CHD9: variants seen among roughly 807,000 people sequenced by gnomAD.
The protein encoded by CHD9 is ATP-dependent chromatin remodeler CHD9.
In CHD9, 77 loss-of-function variants were observed where a neutral mutation model predicts 316.1. That is an observed-to-expected ratio of 0.24 (90% confidence interval 0.20 to 0.29). The LOEUF is 0.29. Among genes scored for constraint, CHD9 ranks in the 10% least tolerant of loss-of-function variants. CHD9 has a pLI of 1.00. For synonymous variants in CHD9, 1,129 were observed against 1,158.3 expected, an observed-to-expected ratio of 0.97 and a Z score of 0.51; for missense variants, 2,763 against 3,438.1, an observed-to-expected ratio of 0.80 and a Z score of 4.91.
At chr16:53,244,192 C>CTTTTT (rs529369708) in intron 13 of CHD9, among the ~76,000 whole-genome samples, 1 of 135,500 alleles carries the variant, frequency 7.4e-6, no homozygotes, top group Non-Finnish European at 1.6e-5. Flanking sequence ...AAGCATATTT[C>CTTTTT]TTTTTTTTTT....
chr16:53,076,375 GAC>G (rs552109957), intron 1 of CHD9, among the ~76,000 whole-genome samples: 95 of 152,242 alleles, frequency 6.2e-4, no homozygotes, highest in Middle Eastern at 3.4e-3. Context: ...AGGAGTTCGA[GAC>G]CAGCCTGGCC....
intron 2 of CHD9, among the ~76,000 whole-genome samples, chr16:53,163,548 A>G (rs1347290784): frequency 1.3e-5 from 2 of 152,204 alleles, no homozygotes; most frequent in African/African-American, 4.8e-5. Flanking sequence ...TTGAGATCAT[A>G]TAGTTCACAC....
rs1196701222 is a variant in CHD9, at chr16:53,324,847, T to C, written c.8646T>C (p.Asp2882=). The stretch of plus-strand genomic sequence containing the variant: ...AAGCTGATGCTTCATCTGGATCTGA[T>C]AGTACATCGTCGTCATCTGAGGATT... ...SEKADASSGS[D]STSSSSEDSD... The change falls in exon 39 of 39, where the codon GAT becomes GAC. Residue 2882 remains aspartate (D), a synonymous_variant. Coordinates refer to ENST00000447540, the MANE Select transcript of CHD9 (RefSeq NM_001308319.2). The C allele has an allele frequency of 6.2e-7, 1 of 1,610,584 alleles. No homozygotes were observed. Among genetic ancestry groups the C allele is most frequent in the Non-Finnish European group, 8.5e-7 (1 of 1,178,662 alleles).
chr16:53,217,963 T>C (rs1181963781), intron 3 of CHD9, among the ~76,000 whole-genome samples: 2 of 149,710 alleles, frequency 1.3e-5, no homozygotes, highest in East Asian at 3.9e-4. Context: ...TTTCTTTTTT[T>C]TTTTAATTCA....
intron 1 of CHD9, among the ~76,000 whole-genome samples, chr16:53,095,308 G>C (rs1054331728): frequency 1.3e-5 from 2 of 152,208 alleles, no homozygotes; most frequent in Non-Finnish European, 2.9e-5. Flanking sequence ...CACTTTGGGA[G>C]GGGGAGGCAG....
intron 1 of CHD9, among the ~76,000 whole-genome samples, chr16:53,077,256 G>A (rs2034613221): frequency 6.6e-6 from 1 of 151,378 alleles, no homozygotes. Context: ...CCAAAGTGTT[G>A]GGATCACAGG....
rs905685961 is a variant in CHD9 at position 53,091,008 on chromosome 16, C to CG, written c.-165+35931_-165+35932insG. Among the ~76,000 whole-genome samples the CG allele has an allele frequency of 7.9e-5, 12 of 151,456 alleles. No individual in the cohort carries two copies. In the East Asian group the frequency reaches 9.8e-4, roughly 12 times the overall value. Reference sequence around the variant, plus strand: ...GGAGGATGGGAACAGCTCACCCCCCCCCGACTGACCGCGGTGAGGCTCAGC... The same window carrying CG: ...GGAGGATGGGAACAGCTCACCCCCCCGCCGACTGACCGCGGTGAGGCTCAGC... On this transcript the variant is annotated intron_variant, in intron 1 of 38. Transcript: ENST00000447540.
chr16:53,261,737 T>C (rs576152506), intron 19 of CHD9, among the ~76,000 whole-genome samples: 1 of 152,308 alleles, frequency 6.6e-6, no homozygotes, highest in South Asian at 2.1e-4. Flanking sequence ...TATCAACTCA[T>C]GCTAAACTTG....
At chr16:53,235,336 T>G in intron 11 of CHD9, 30 bp downstream of exon 11, 1 of 1,463,034 alleles carries the variant, frequency 6.8e-7, no homozygotes, top group Non-Finnish European at 9.2e-7. Context: ...AAAAAAAATT[T>G]ATTTTTTTAA....
intron 29 of CHD9, among the ~76,000 whole-genome samples, chr16:53,296,434 A>ATTTTTTTTTTTTTTTTTTT (rs35618799): frequency 2.0e-5 from 2 of 101,764 alleles, no homozygotes; most frequent in Non-Finnish European, 3.7e-5. Flanking sequence ...TTAAAAGTAA[A>ATTTTTTTTTTTTTTTTTTT]TTTTTTTTTT....
chr16:53,092,759 C>T (rs1293868128), intron 1 of CHD9, among the ~76,000 whole-genome samples: 1 of 151,972 alleles, frequency 6.6e-6, no homozygotes, highest in Non-Finnish European at 1.5e-5. Flanking sequence ...GAGGCACCTG[C>T]ACCTTTATTA....
At chr16:53,154,298 A>G (rs1406456705) in intron 1 of CHD9, among the ~76,000 whole-genome samples, 1 of 152,244 alleles carries the variant, frequency 6.6e-6, no homozygotes, top group Admixed American at 6.5e-5. Context: ...CCTCAAACCA[A>G]ACATCACTTA....
At chr16:53,215,841 A>T (rs913017827) in intron 3 of CHD9, among the ~76,000 whole-genome samples, 2 of 152,218 alleles carry the variant, frequency 1.3e-5, no homozygotes, top group Non-Finnish European at 2.9e-5. Flanking sequence ...ACATCTGAAA[A>T]TCAAATATAG....
At chr16:53,218,502 T>G (rs1053543465) in intron 3 of CHD9, among the ~76,000 whole-genome samples, 5 of 152,174 alleles carry the variant, frequency 3.3e-5, no homozygotes, top group Non-Finnish European at 7.4e-5. Flanking sequence ...TAAAAATGTT[T>G]AAGCAGCTTA....
At chr16:53,083,751 T>C (rs2035228102) in intron 1 of CHD9, among the ~76,000 whole-genome samples, 2 of 151,792 alleles carry the variant, frequency 1.3e-5, no homozygotes, top group Non-Finnish European at 2.9e-5. Context: ...ACTTCTTTGT[T>C]TTATTTTTAA....
intron 1 of CHD9, among the ~76,000 whole-genome samples, chr16:53,137,776 C>A (rs2039829873): frequency 6.6e-6 from 1 of 152,176 alleles, no homozygotes; most frequent in Non-Finnish European, 1.5e-5. Flanking sequence ...TAGATTCTAA[C>A]AGAACCCAGT....
intron 1 of CHD9, chr16:53,131,167 G>C (rs2039262973): frequency 6.6e-6 from 1 of 150,698 alleles, no homozygotes; most frequent in Non-Finnish European, 1.5e-5. Context: ...GAGATGCGGG[G>C]GCGGGTCGTG....
At chr16:53,243,161 G>T in intron 13 of CHD9, 145 bp downstream of exon 13, 1 of 546,276 alleles carries the variant, frequency 1.8e-6, no homozygotes, top group South Asian at 3.5e-5. Context: ...GATTTTTTGG[G>T]GGGCCTTAAT....
intron 1 of CHD9, among the ~76,000 whole-genome samples, chr16:53,130,493 C>T (rs1395811965): frequency 6.7e-6 from 1 of 149,664 alleles, no homozygotes; most frequent in Non-Finnish European, 1.5e-5. Flanking sequence ...GGGCGGGCGG[C>T]GCGAGGGGAG....
Sources: allele counts gnomAD v4.1 joint callset (sites outside exome capture counted in the v4.1 genomes callset), GRCh38; gene constraint gnomAD v4.1.1; transcripts MANE v1.5; gene names NCBI Gene and HGNC (gene_info 2026-07-23, HGNC 2026-07-21).